Variants in RGS12 observed in about 807,000 individuals in gnomAD.
The protein encoded by RGS12 is regulator of G protein signaling 12.
RGS12 carries 66 observed loss-of-function variants against 120.1 expected under a neutral mutation model. The ratio of observed to expected loss-of-function variants is 0.55; its 90% CI spans 0.45 to 0.67. RGS12 has a LOEUF of 0.67. Ranked by LOEUF, RGS12 falls within the 30% of genes least tolerant of loss-of-function variation. The pLI is 0.00. For synonymous variants in RGS12, 827 were observed against 804.7 expected, an observed-to-expected ratio of 1.03 and a Z score of -0.47; for missense variants, 1,859 against 1,957.7, an observed-to-expected ratio of 0.95 and a Z score of 0.95.
At chr4:3,431,065 C>A in intron 17 of RGS12, 110 bp downstream of exon 17, 2 of 1,480,898 alleles carry the variant, frequency 1.4e-6, no homozygotes, top group South Asian at 2.7e-5. Flanking sequence ...TGGTGGTCTC[C>A]GTGACCCCCT....
At position 3,402,645 on chromosome 4, in the gene RGS12, C is replaced by T. The variant is rs143433124; in HGVS notation, c.2021-11427C>T. ...CTTCTGCATTGGGTGGCGTCCTCTG[C>T]GTTGGGTGGCGTCCTCTGCGTTGGG... On this transcript the variant is annotated intron_variant, in intron 4 of 17. Transcript: ENST00000336727. 2.3e-4 allele frequency among the ~76,000 whole-genome samples: 33 copies of T among 142,918 alleles called. No individual in the cohort carries two copies. In the East Asian group the frequency reaches 6.0e-3, roughly 26 times the overall value. 93.8% of individuals were successfully genotyped at this position (142,918 alleles called of 152,430 possible).
chr4:3,393,455 C>T (rs1363319536), intron 4 of RGS12, among the ~76,000 whole-genome samples: 1 of 152,164 alleles, frequency 6.6e-6, no homozygotes, highest in African/African-American at 2.4e-5. Flanking sequence ...CCCTGGCCTT[C>T]CCCGATTCTG....
intron 4 of RGS12, chr4:3,412,875 C>CAGCG (rs1414170771): frequency 6.6e-6 from 1 of 152,362 alleles, no homozygotes; most frequent in Non-Finnish European, 1.5e-5. Flanking sequence ...GCACGGTGGG[C>CAGCG]AGCGGTCCCT....
chr4:3,367,871 G>A (rs749077713), intron 3 of RGS12, among the ~76,000 whole-genome samples: 2 of 152,214 alleles, frequency 1.3e-5, no homozygotes, highest in South Asian at 2.1e-4. Flanking sequence ...GTTAGTGACC[G>A]GACAGCAACA....
At chr4:3,293,315 C>CG (rs1553925679) in intron 1 of RGS12, among the ~76,000 whole-genome samples, 31 of 136,416 alleles carry the variant, frequency 2.3e-4, no homozygotes, top group East Asian at 1.7e-3. Context: ...CGGGGCGGGG[C>CG]GGGGCGGGGG....
chr4:3,432,129 T>C (rs1724370520), intron 17 of RGS12: 1 of 985,372 alleles, frequency 1.0e-6, no homozygotes, highest in Non-Finnish European at 1.2e-6. Context: ...TCACCTGCGT[T>C]TTGAGTCTGT....
intron 3 of RGS12, among the ~76,000 whole-genome samples, chr4:3,369,356 C>T (rs1410297016): frequency 6.6e-6 from 1 of 152,228 alleles, no homozygotes; most frequent in Non-Finnish European, 1.5e-5. Context: ...GGGGAATGCT[C>T]ATGTTCCTCC....
chr4:3,388,393 G>C lies in RGS12; in HGVS notation c.2020+1956G>C, dbSNP rs78101638. Among the ~76,000 whole-genome samples the C allele has an allele frequency of 2.7e-3, 409 of 152,374 alleles. 2 individuals carry two copies. Among genetic ancestry groups the C allele is most frequent in the African/African-American group, 9.6e-3 (398 of 41,582 alleles). ...TTCTTTGCTTATAAGAGTAAAAAGA[G>C]CCAGTTATCTTGTTTAATGTGCACA... On this transcript the variant is annotated intron_variant, in intron 4 of 17. Transcript: ENST00000336727.
chr4:3,362,541 TTGTGTGAGGGTG>T (rs1715717077), intron 3 of RGS12, among the ~76,000 whole-genome samples: 1 of 111,550 alleles, frequency 9.0e-6, no homozygotes, highest in South Asian at 3.1e-4. Flanking sequence ...TTGTGAGGGT[TTGTGTGAGGGTG>T]TGTGTGATGT....
chr4:3,370,084 A>G, intron 3 of RGS12: 2 of 1,309,200 alleles, frequency 1.5e-6, no homozygotes, highest in East Asian at 2.8e-5. Flanking sequence ...GGATGAGACA[A>G]TTGAGATAGA....
chr4:3,423,109 CG>C (rs1723213787), intron 12 of RGS12, 131 bp downstream of exon 12: 9 of 508,280 alleles, frequency 1.8e-5, no homozygotes, highest in Non-Finnish European at 2.7e-5. Flanking sequence ...GGTGTCGGGG[CG>C]GGGGGAGGGT....
intron 4 of RGS12, among the ~76,000 whole-genome samples, chr4:3,387,250 G>A (rs1181534971): frequency 1.3e-5 from 2 of 152,222 alleles, no homozygotes; most frequent in African/African-American, 2.4e-5. Context: ...AGCTGCCCAG[G>A]GGCCGGTGGG....
chr4:3,422,780 T>C, intron 11 of RGS12, 125 bp from the exon 12 acceptor site: 1 of 1,027,680 alleles, frequency 9.7e-7, no homozygotes, highest in Non-Finnish European at 1.5e-6. Flanking sequence ...GTGATCGCTT[T>C]CTTTGGATGG....
intron 3 of RGS12, among the ~76,000 whole-genome samples, chr4:3,344,040 CAT>C (rs1713542057): frequency 6.6e-6 from 1 of 152,168 alleles, no homozygotes; most frequent in Non-Finnish European, 1.5e-5. Flanking sequence ...CATTCTTGTA[CAT>C]GTCTCCTTCA....
intron 1 of RGS12, among the ~76,000 whole-genome samples, chr4:3,311,002 GC>G (rs1560647503): frequency 6.6e-6 from 1 of 152,234 alleles, no homozygotes; most frequent in Non-Finnish European, 1.5e-5. Context: ...TTGTAACAGA[GC>G]CTTCCTCAGA....
At chr4:3,362,322 CTCA>C (rs1436932109) in intron 3 of RGS12, among the ~76,000 whole-genome samples, 2 of 152,112 alleles carry the variant, frequency 1.3e-5, no homozygotes, top group Admixed American at 1.3e-4. Flanking sequence ...AGTGTGTCGC[CTCA>C]TGTCATGAAG....
At chr4:3,435,945 C>CA (rs1724765219) in intron 17 of RGS12, among the ~76,000 whole-genome samples, 1 of 151,630 alleles carries the variant, frequency 6.6e-6, no homozygotes, top group South Asian at 2.1e-4. Flanking sequence ...CCTGTGCCCT[C>CA]AGTCACCCCC....
At chr4:3,288,105 C>T (rs1397425530), upstream of RGS12, among the ~76,000 whole-genome samples, 2 of 152,226 alleles carry the variant, frequency 1.3e-5, no homozygotes, top group African/African-American at 2.4e-5. The surrounding 1 kb of genome is among the most constrained non-coding windows in gnomAD (Gnocchi z 5.2). Flanking sequence ...CCTGCGTGCT[C>T]GTTGCTCTGA....
chr4:3,408,853 G>A (rs1721430186), intron 4 of RGS12, among the ~76,000 whole-genome samples: 1 of 152,208 alleles, frequency 6.6e-6, no homozygotes, highest in Non-Finnish European at 1.5e-5. Context: ...GCCTCACACT[G>A]GGAGGAATTA....
Sources: allele counts gnomAD v4.1 joint callset (sites outside exome capture counted in the v4.1 genomes callset), GRCh38; gene constraint gnomAD v4.1.1; non-coding constraint Gnocchi (gnomAD v3.1); transcripts MANE v1.5; gene names NCBI Gene and HGNC (gene_info 2026-07-23, HGNC 2026-07-21).